The following PACS2 variants were observed in gnomAD, a reference collection of about 807,000 sequenced individuals.
PACS2 encodes the protein PACS1-like protein.
Under a neutral mutation model 113.0 loss-of-function variants are expected in PACS2, and 36 were observed. That is an observed-to-expected ratio of 0.32 (90% CI 0.24 to 0.42). The LOEUF (loss-of-function observed/expected upper bound fraction) is 0.42, where lower values mean the gene tolerates loss of function less well. Among genes scored for constraint, PACS2 ranks in the 10% least tolerant of loss-of-function variants. The pLI, the probability that PACS2 is intolerant of heterozygous loss-of-function variation, is 1.00. For synonymous variants in PACS2, 589 were observed against 536.1 expected, an observed-to-expected ratio of 1.10 and a Z score of -1.36; for missense variants, 1,015 against 1,239.5, an observed-to-expected ratio of 0.82 and a Z score of 2.72.
At chr14:105,349,712 C>T (rs782462140) in intron 2 of PACS2, among the ~76,000 whole-genome samples, 10 of 152,264 alleles carry the variant, frequency 6.6e-5, no homozygotes, top group African/African-American at 9.6e-5. Flanking sequence ...TGAACATGCT[C>T]GTGGATTAGC....
rs782033591 is a variant in PACS2, at chr14:105,382,894, G to A, written c.1606G>A (p.Val536Ile). The change falls in exon 15 of 25, where the codon GTC (valine) becomes ATC (isoleucine). Residue 536 changes from valine (V) to isoleucine (I), a missense_variant. This residue lies in a region of PACS2 where 859 missense variants were observed against 1,056.8 expected (regional missense o/e 0.81). Coordinates refer to ENST00000447393, the MANE Select transcript of PACS2 (RefSeq NM_001100913.3). ...ADVQAAFSTIVSRIQRYCNCN... is the reference protein window; with the variant it reads ...ADVQAAFSTIISRIQRYCNCN... ...CGTCCAGGCGGCCTTCAGCACCATC[G>A]TCTCACGGATACAGAGATAGTGAGT... 5.6e-6 allele frequency: 9 copies of A among 1,601,990 alleles called. No individual in the cohort carries two copies. The highest frequency in any genetic ancestry group is 1.1e-5 in the South Asian group (1 of 90,978).
rs781835547 is a variant in PACS2, at chr14:105,382,762, C to A, written c.1519-45C>A. 1.9e-5 allele frequency: 24 copies of A among 1,273,560 alleles called. No individual in the cohort carries two copies. In the East Asian group the frequency reaches 4.6e-4, roughly 24 times the overall value. 78.9% of individuals were successfully genotyped at this position (1,273,560 alleles called of 1,614,324 possible). ...GGTGAGGGTCAGGTGCTGGGGGTGG[C>A]CTGGGCGGCTGTGCCGAAGTCAGCG... On this transcript the variant is annotated intron_variant, in intron 14 of 24. Transcript: ENST00000447393.
chr14:105,369,659 C>G (rs1368242897), intron 7 of PACS2, among the ~76,000 whole-genome samples, 182 bp from the exon 8 acceptor site: 1 of 152,246 alleles, frequency 6.6e-6, no homozygotes, highest in Non-Finnish European at 1.5e-5. Context: ...ATGGAACTGT[C>G]AGACCTCAGG....
In PACS2 at chr14:105,329,902, A is replaced by G. The variant is rs1388520779; in HGVS notation, c.119+14865A>G. ...GGTGGTGCCAGCCCAGGAGCCAAGCACAGCCAGGAGATGAAACCCATCCCT... is the reference window on the plus strand; with the variant it reads ...GGTGGTGCCAGCCCAGGAGCCAAGCGCAGCCAGGAGATGAAACCCATCCCT... On this transcript the variant is annotated intron_variant, in intron 1 of 24. Transcript: ENST00000447393. The surrounding 1 kb of genome is among the most constrained non-coding windows in gnomAD (Gnocchi z 6.4). 2.0e-5 allele frequency among the ~76,000 whole-genome samples: 3 copies of G among 152,204 alleles called. No individual in the cohort carries two copies. Among genetic ancestry groups the G allele is most frequent in the Non-Finnish European group, 4.4e-5 (3 of 68,028 alleles).
chr14:105,335,959 C>T lies in PACS2; in HGVS notation c.120-12534C>T, dbSNP rs371409811. Among the ~76,000 whole-genome samples, 45 of 152,340 alleles carry T rather than the reference C, an allele frequency of 3.0e-4. No individual in the cohort carries two copies. In the South Asian group the frequency reaches 8.5e-3, roughly 29 times the overall value. ...CCAGCTACGAGGATGGCTGTGCAGGCACCTGGAGCCTGGGGATGGCAGGGC... is the reference window on the plus strand; with the variant it reads ...CCAGCTACGAGGATGGCTGTGCAGGTACCTGGAGCCTGGGGATGGCAGGGC... On this transcript the variant is annotated intron_variant, in intron 1 of 24. Transcript: ENST00000447393.
rs1211811279 is a variant in PACS2, at chr14:105,365,349, G to A, written c.424-1864G>A. ...GGAACATGCAGCCTGGAGTGTCGGG[G>A]CCTGGGACTTCCAGGGCCTGCAGAT... On this transcript the variant is annotated intron_variant, in intron 4 of 24. Transcript: ENST00000447393. This position sits in a 1 kb window ranked among gnomAD's most constrained non-coding sequence, Gnocchi z 5.1. Among the ~76,000 whole-genome samples, 2 of 152,188 alleles carry A rather than the reference G, an allele frequency of 1.3e-5. No homozygotes were observed. Among genetic ancestry groups the A allele is most frequent in the African/African-American group, 4.8e-5 (2 of 41,452 alleles).
At chr14:105,381,429 T>C (rs1555412009) in intron 12 of PACS2, among the ~76,000 whole-genome samples, 1 of 152,156 alleles carries the variant, frequency 6.6e-6, no homozygotes, top group African/African-American at 2.4e-5. Context: ...TCTTCCAGGA[T>C]TTCAATTTCA....
chr14:105,385,501 T>G (rs2081144886), intron 18 of PACS2, among the ~76,000 whole-genome samples, 184 bp from the exon 19 acceptor site: 1 of 152,142 alleles, frequency 6.6e-6, no homozygotes, highest in Non-Finnish European at 1.5e-5. Flanking sequence ...GGCGCCACTG[T>G]CCCACACCTT....
chr14:105,381,176 T>C (rs2080980815), intron 12 of PACS2, 77 bp downstream of exon 12: 1 of 1,338,926 alleles, frequency 7.5e-7, no homozygotes, highest in African/African-American at 1.4e-5. Context: ...TCAGTCGGGG[T>C]GGGTGCGTGT....
upstream of PACS2, among the ~76,000 whole-genome samples, chr14:105,309,594 G>T (rs1302694897): frequency 6.6e-6 from 1 of 152,100 alleles, no homozygotes; most frequent in Non-Finnish European, 1.5e-5. This position sits in a 1 kb window ranked among gnomAD's most constrained non-coding sequence, Gnocchi z 4.0. Flanking sequence ...CTCCCAAGAC[G>T]CTGCCAAGCC....
Position 105,391,772 on chromosome 14 carries a change from G to C in PACS2, c.2255+6G>C. Reference sequence around the variant, plus strand: ...GGAGGCCTGTCCTCCCCCAGGTAAAGGTGCCTCACGGCTCAGCACGTTTCA... The same window carrying C: ...GGAGGCCTGTCCTCCCCCAGGTAAACGTGCCTCACGGCTCAGCACGTTTCA... On this transcript the variant is annotated splice_donor_region_variant and intron_variant, in intron 22 of 24. Coordinates refer to ENST00000447393, the MANE Select transcript of PACS2 (RefSeq NM_001100913.3). 1.9e-6 allele frequency: 3 copies of C among 1,588,976 alleles called. No homozygotes were observed. Among genetic ancestry groups the C allele is most frequent in the Non-Finnish European group, 2.6e-6 (3 of 1,168,962 alleles).
chr14:105,380,257 A>AT, intron 11 of PACS2, 103 bp downstream of exon 11: 1 of 925,346 alleles, frequency 1.1e-6, no homozygotes, highest in Non-Finnish European at 1.7e-6. Flanking sequence ...ATAGGTCCTC[A>AT]TGTCACACCT....
rs2059234772 is a variant in PACS2 at position 105,329,750 on chromosome 14, A to C, written c.119+14713A>C. On this transcript the variant is annotated intron_variant, in intron 1 of 24. Coordinates refer to ENST00000447393, the MANE Select transcript of PACS2 (RefSeq NM_001100913.3). The surrounding 1 kb of genome is among the most constrained non-coding windows in gnomAD (Gnocchi z 6.4). ...AGGGCTCTAGTGTATCAGCTCCCGGACTGCAGGCAGCAGCAAACTCTGCCG... is the reference window on the plus strand; with the variant it reads ...AGGGCTCTAGTGTATCAGCTCCCGGCCTGCAGGCAGCAGCAAACTCTGCCG... Among the ~76,000 whole-genome samples the C allele has an allele frequency of 6.6e-6, 1 of 152,080 alleles. No homozygotes were observed. The highest frequency in any genetic ancestry group is 6.5e-5 in the Admixed American group (1 of 15,276).
intron 1 of PACS2, among the ~76,000 whole-genome samples, chr14:105,334,063 G>A (rs1332994673): frequency 6.6e-6 from 1 of 152,244 alleles, no homozygotes; most frequent in African/African-American, 2.4e-5. Context: ...GGTGTCGGGG[G>A]CCTGGGCCTG....
chr14:105,309,253 G>A lies in PACS2; in HGVS notation c.-83+8274G>A, dbSNP rs981791593. On this transcript the variant is annotated intron_variant, in intron 1 of 23. Transcript: ENST00000430725. This position sits in a 1 kb window ranked among gnomAD's most constrained non-coding sequence, Gnocchi z 4.0. The stretch of plus-strand genomic sequence containing the variant: ...TGCATCAAGGTCCCTCTTAATCTTG[G>A]GGCTCAGGATAACCACAGTCAAGAG... Among the ~76,000 whole-genome samples, 3 of 152,112 alleles carry A rather than the reference G, an allele frequency of 2.0e-5. No homozygotes were observed. Among genetic ancestry groups the A allele is most frequent in the African/African-American group, 7.2e-5 (3 of 41,414 alleles).
intron 8 of PACS2, among the ~76,000 whole-genome samples, chr14:105,374,299 A>G (rs28406946): frequency 1.3e-5 from 2 of 152,154 alleles, no homozygotes; most frequent in Non-Finnish European, 2.9e-5. Context: ...CATAAGCAAC[A>G]AAAGGTAAGT....
In PACS2 at chr14:105,317,184, C is replaced by T. The variant is rs73357398; in HGVS notation, c.119+2147C>T. Among the ~76,000 whole-genome samples the T allele has an allele frequency of 0.058, 8,768 of 152,288 alleles. 886 individuals carry two copies. Among genetic ancestry groups the T allele is most frequent in the African/African-American group, 0.2 (8,368 of 41,528 alleles). On this transcript the variant is annotated intron_variant, in intron 1 of 24. Transcript: ENST00000447393. This position sits in a 1 kb window ranked among gnomAD's most constrained non-coding sequence, Gnocchi z 4.2. ...ATGCCTTTCGGCGTGTTCACTGCTGCGTACTATTCACTGGCGTGACAGTAC... is the reference window on the plus strand; with the variant it reads ...ATGCCTTTCGGCGTGTTCACTGCTGTGTACTATTCACTGGCGTGACAGTAC...
At chr14:105,381,545 G>A (rs1267590298) in intron 12 of PACS2, among the ~76,000 whole-genome samples, 2 of 152,260 alleles carry the variant, frequency 1.3e-5, no homozygotes, top group East Asian at 1.9e-4. Flanking sequence ...GAGCCAGGTC[G>A]CCCTGGCAGC....
chr14:105,362,136 G>C (rs1167793675), intron 4 of PACS2, among the ~76,000 whole-genome samples: 2 of 151,314 alleles, frequency 1.3e-5, no homozygotes, highest in Non-Finnish European at 2.9e-5. Context: ...AAAAAAGAAT[G>C]GGCCAGGTGT....
Sources: allele counts gnomAD v4.1 joint callset (sites outside exome capture counted in the v4.1 genomes callset), GRCh38; gene constraint gnomAD v4.1.1; regional missense constraint gnomAD v4.1.1; non-coding constraint Gnocchi (gnomAD v3.1); transcripts MANE v1.5; gene names NCBI Gene and HGNC (gene_info 2026-07-23, HGNC 2026-07-21).